The following SLC38A4 variants were observed in gnomAD, a reference collection of about 807,000 sequenced individuals.
The protein encoded by SLC38A4 is sodium-coupled neutral amino acid transporter 4.
A neutral mutation model predicts 63.1 loss-of-function variants in SLC38A4; 20 were observed. The ratio of observed to expected loss-of-function variants is 0.32; its 90% confidence interval spans 0.22 to 0.46. The LOEUF (loss-of-function observed/expected upper bound fraction) is 0.46, where lower values mean the gene tolerates loss of function less well. Among genes scored for constraint, SLC38A4 ranks in the 20% least tolerant of loss-of-function variants. The pLI is 1.00. For synonymous variants in SLC38A4, 230 were observed against 225.5 expected (o/e 1.02, Z -0.18); for missense variants, 526 against 663.6 (o/e 0.79, Z 2.28).
At chr12:46,794,133 G>A (rs1336332940) in intron 2 of SLC38A4, among the ~76,000 whole-genome samples, 1 of 152,112 alleles carries the variant, frequency 6.6e-6, no homozygotes, top group African/African-American at 2.4e-5. Flanking sequence ...GAAATCTTGA[G>A]CAGAGAAACT....
intron 13 of SLC38A4, among the ~76,000 whole-genome samples, chr12:46,776,439 T>G (rs1163946135): frequency 6.6e-6 from 1 of 152,042 alleles, no homozygotes; most frequent in Non-Finnish European, 1.5e-5. Flanking sequence ...GTCAGAAATT[T>G]TACCTAAAGT....
intron 1 of SLC38A4, among the ~76,000 whole-genome samples, chr12:46,812,003 G>T (rs111516739): frequency 0.014 from 2,065 of 152,074 alleles, 30 homozygotes; most frequent in South Asian, 0.071. Context: ...ATTTCAACTT[G>T]TCTTAATTAT....
At position 46,785,296 on chromosome 12, in the gene SLC38A4, G is replaced by A. The variant is rs147545992; in HGVS notation, c.327-119C>T. The A allele has an allele frequency of 1.4e-5, 11 of 775,710 alleles. No individual in the cohort carries two copies. In the East Asian group the frequency reaches 2.7e-4, roughly 19 times the overall value. The allele number at this position is 775,710 out of a possible 1,614,324, so 48.1% of individuals were successfully genotyped here. A position where few individuals can be genotyped will look rare whatever the true frequency, so the allele number is the denominator to read the frequency against. On this transcript the variant is annotated intron_variant, in intron 5 of 16. Transcript: ENST00000266579. ...TCAATCATCAGCTTTCCAAAAGTAT[G>A]TGGATTTGGGGGAGGCTGAGAAATT...
At chr12:46,767,289 A>T (rs1194049203) in intron 16 of SLC38A4, among the ~76,000 whole-genome samples, 1 of 151,960 alleles carries the variant, frequency 6.6e-6, no homozygotes, top group African/African-American at 2.4e-5. Flanking sequence ...ATATATAAGG[A>T]TATATGTACA....
chr12:46,814,004 A>C (rs556527164), intron 1 of SLC38A4, among the ~76,000 whole-genome samples: 1 of 152,136 alleles, frequency 6.6e-6, no homozygotes, highest in South Asian at 2.1e-4. Context: ...AGTCATGCAA[A>C]TATTCCGGAA....
chr12:46,772,823 A>T (rs1399733639), intron 14 of SLC38A4, among the ~76,000 whole-genome samples: 1 of 152,098 alleles, frequency 6.6e-6, no homozygotes, highest in Admixed American at 6.6e-5. Flanking sequence ...AAGCTGATAG[A>T]TTTTAATTCA....
chr12:46,765,518 A>G lies in SLC38A4; in HGVS notation c.*1183T>C. 3.2e-6 allele frequency: 1 copy of G among 310,846 alleles called. No individual in the cohort carries two copies. The allele number at this position is 310,846 out of a possible 1,614,324, so 19.3% of individuals were successfully genotyped here. A position where few individuals can be genotyped will look rare whatever the true frequency, so the allele number is the denominator to read the frequency against. On this transcript the variant is annotated 3_prime_UTR_variant, in exon 17 of 17. Coordinates refer to ENST00000266579, the MANE Select transcript of SLC38A4 (RefSeq NM_018018.5). ...ATCATCCTATTATTGTAAATATTGA[A>G]GAAGAGCATTGCCAAACTATATATA...
intron 2 of SLC38A4, among the ~76,000 whole-genome samples, chr12:46,801,499 C>T (rs915271412): frequency 6.6e-6 from 1 of 152,046 alleles, no homozygotes; most frequent in Non-Finnish European, 1.5e-5. Context: ...ATAGCCAGAG[C>T]AGATTTCCCA....
chr12:46,769,888 G>A (rs1282787456), intron 14 of SLC38A4, among the ~76,000 whole-genome samples: 2 of 152,000 alleles, frequency 1.3e-5, no homozygotes, highest in Non-Finnish European at 2.9e-5. Flanking sequence ...TACAATCTAT[G>A]GTGTTTGCAC....
At chr12:46,801,706 G>A (rs537657719) in intron 2 of SLC38A4, among the ~76,000 whole-genome samples, 28 of 152,146 alleles carry the variant, frequency 1.8e-4, no homozygotes, top group African/African-American at 6.3e-4. Context: ...ATAGATAAAT[G>A]AATGTAGCTT....
chr12:46,769,333 A>C lies in SLC38A4; in HGVS notation c.1395T>G (p.Asn465Lys). The change falls in exon 15 of 17, where the codon AAT becomes AAG. Residue 465 changes from asparagine (N) to lysine (K), a missense_variant. By Grantham distance (94) the Asn-to-Lys change is moderately conservative. Coordinates refer to ENST00000266579, the MANE Select transcript of SLC38A4 (RefSeq NM_018018.5). The stretch of plus-strand genomic sequence containing the variant: ...TAGTTGGCACAAGGATGACCAGAAC[A>C]TTATTAAGTGCAATAAGCACAGCTG... Reference protein sequence around the residue: ...LIAAVLIALNNVLVILVPTIK... With the variant: ...LIAAVLIALNKVLVILVPTIK... 6.2e-7 allele frequency: 1 copy of C among 1,613,450 alleles called. No homozygotes were observed. Among genetic ancestry groups the C allele is most frequent in the Non-Finnish European group, 8.5e-7 (1 of 1,179,544 alleles).
At chr12:46,767,512 TA>T (rs1938326063) in intron 16 of SLC38A4, among the ~76,000 whole-genome samples, 1 of 151,928 alleles carries the variant, frequency 6.6e-6, no homozygotes, top group African/African-American at 2.4e-5. Context: ...CACACTGCTG[TA>T]AAAATCCAAG....
intron 14 of SLC38A4, among the ~76,000 whole-genome samples, chr12:46,774,370 T>C (rs1405413790): frequency 1.3e-5 from 2 of 152,024 alleles, no homozygotes; most frequent in African/African-American, 4.8e-5. Flanking sequence ...CCTGTGTTTA[T>C]CCTTAGGTGG....
chr12:46,827,515 G>C (rs995093282), upstream of SLC38A4, among the ~76,000 whole-genome samples: 6 of 152,124 alleles, frequency 3.9e-5, no homozygotes, highest in African/African-American at 1.4e-4. Flanking sequence ...CTACTAAAAA[G>C]ATAAAAGGAT....
chr12:46,800,839 G>A (rs1939117883), intron 2 of SLC38A4, among the ~76,000 whole-genome samples: 1 of 152,124 alleles, frequency 6.6e-6, no homozygotes, highest in Admixed American at 6.6e-5. Context: ...TATAGTAATA[G>A]ATAGAGGTAT....
At chr12:46,769,464 T>C (rs1366730927) in intron 14 of SLC38A4, 36 bp from the exon 15 acceptor site, 1 of 1,598,626 alleles carries the variant, frequency 6.3e-7, no homozygotes, top group Non-Finnish European at 8.6e-7. Flanking sequence ...GATCATTTCT[T>C]TGTTTTTGAC....
intron 3 of SLC38A4, among the ~76,000 whole-genome samples, chr12:46,789,294 T>C (rs1938831053): frequency 6.6e-6 from 1 of 152,160 alleles, no homozygotes; most frequent in Non-Finnish European, 1.5e-5. Flanking sequence ...GTTGGTTGTT[T>C]CTGTGTGTGC....
At chr12:46,779,888 G>T in intron 8 of SLC38A4, 26 bp from the exon 9 acceptor site, 2 of 1,609,938 alleles carry the variant, frequency 1.2e-6, no homozygotes, top group South Asian at 1.1e-5. Flanking sequence ...AAGGATATTA[G>T]AATCAGAAAA....
At chr12:46,782,991 T>C (rs1168918494) in intron 7 of SLC38A4, among the ~76,000 whole-genome samples, 3 of 134,528 alleles carry the variant, frequency 2.2e-5, no homozygotes, top group Non-Finnish European at 4.7e-5. Context: ...AGAGGAGCAA[T>C]AGACCAGGTG....
Sources: allele counts gnomAD v4.1 joint callset (sites outside exome capture counted in the v4.1 genomes callset), GRCh38; gene constraint gnomAD v4.1.1; transcripts MANE v1.5; gene names NCBI Gene and HGNC (gene_info 2026-07-23, HGNC 2026-07-21).